Variants in THSD7B observed in about 807,000 individuals in gnomAD.
The protein encoded by THSD7B is thrombospondin type 1 domain containing 7B, also known as thrombospondin type-1 domain-containing protein 7B.
A neutral mutation model predicts 213.6 loss-of-function variants in THSD7B; 138 were observed. The ratio of observed to expected loss-of-function variants is 0.65; its 90% CI spans 0.56 to 0.74. The LOEUF (loss-of-function observed/expected upper bound fraction) is 0.74, where lower values mean the gene tolerates loss of function less well. Ranked by LOEUF, THSD7B falls within the 30% of genes least tolerant of loss-of-function variation. THSD7B has a pLI of 0.00. For synonymous variants in THSD7B, 742 were observed against 687.0 expected, an observed-to-expected ratio of 1.08 and a Z score of -1.25; for missense variants, 1,931 against 1,991.5, an observed-to-expected ratio of 0.97 and a Z score of 0.58.
chr2:136,994,619 G>T (rs1040645367), intron 2 of THSD7B, among the ~76,000 whole-genome samples: 1 of 152,086 alleles, frequency 6.6e-6, no homozygotes, highest in Non-Finnish European at 1.5e-5. Context: ...TCCTGAGATA[G>T]GTAGTTTGCA....
In THSD7B at chr2:137,676,652, TC is replaced by T; in HGVS notation, c.*48del. ...TAGACATCAACTGCCTTAACCGCTTTCTCTTTTGTAGCTCTCAGACTTCTCA... is the reference window on the plus strand; with the variant it reads ...TAGACATCAACTGCCTTAACCGCTTTTCTTTTGTAGCTCTCAGACTTCTCA... On this transcript the variant is annotated 3_prime_UTR_variant, in exon 28 of 28. Coordinates refer to ENST00000409968, the MANE Select transcript of THSD7B (RefSeq NM_001316349.2). 6.7e-7 allele frequency: 1 copy of T among 1,485,328 alleles called. No individual in the cohort carries two copies. The highest frequency in any genetic ancestry group is 9.0e-7 in the Non-Finnish European group (1 of 1,111,842). The allele number at this position is 1,485,328 out of a possible 1,614,324, so 92.0% of individuals were successfully genotyped here. A position where few individuals can be genotyped will look rare whatever the true frequency, so the allele number is the denominator to read the frequency against.
chr2:137,317,143 CT>C (rs972158903), intron 12 of THSD7B, among the ~76,000 whole-genome samples: 30 of 151,364 alleles, frequency 2.0e-4, no homozygotes, highest in African/African-American at 7.3e-4. Context: ...ATTTTTTTTC[CT>C]GTTCTTTTAT....
intron 1 of THSD7B, among the ~76,000 whole-genome samples, chr2:136,865,577 A>G (rs1429982): frequency 1 from 151,853 of 152,356 alleles, 75,679 homozygotes; most frequent in East Asian, 1. Flanking sequence ...TACTATCAAT[A>G]TGCTCTTCTA....
intron 2 of THSD7B, among the ~76,000 whole-genome samples, chr2:136,979,867 G>A (rs996042894): frequency 5.3e-5 from 8 of 152,032 alleles, no homozygotes; most frequent in Admixed American, 2.6e-4. Context: ...AATTTTCAGC[G>A]TGTTTGCATT....
intron 2 of THSD7B, among the ~76,000 whole-genome samples, chr2:137,049,191 C>T (rs1410191737): frequency 6.6e-6 from 1 of 152,226 alleles, no homozygotes; most frequent in African/African-American, 2.4e-5. Context: ...GGGCATTGAG[C>T]TGGACAGAGA....
At chr2:137,341,936 G>GT (rs897606696) in intron 12 of THSD7B, among the ~76,000 whole-genome samples, 7 of 150,862 alleles carry the variant, frequency 4.6e-5, no homozygotes, top group South Asian at 2.1e-4. Flanking sequence ...TTGTTTTTTT[G>GT]TTTTTTTATC....
chr2:137,326,633 A>G lies in THSD7B; in HGVS notation c.2500+50607A>G, dbSNP rs146725035. On this transcript the variant is annotated intron_variant, in intron 12 of 27. Transcript: ENST00000409968. Reference sequence around the variant, plus strand: ...TCGCAGTTCCCCTTTACTGTCTTTCATAGTAACAAAAGCTATCAGTTATTC... The same window carrying G: ...TCGCAGTTCCCCTTTACTGTCTTTCGTAGTAACAAAAGCTATCAGTTATTC... Among the ~76,000 whole-genome samples the G allele has an allele frequency of 8.3e-3, 1,261 of 152,304 alleles. 15 individuals are homozygous for G. The highest frequency in any genetic ancestry group is 0.029 in the African/African-American group (1,196 of 41,556).
intron 7 of THSD7B, among the ~76,000 whole-genome samples, chr2:137,215,092 CTGT>C (rs1254948459): frequency 1.3e-5 from 2 of 152,136 alleles, no homozygotes; most frequent in African/African-American, 4.8e-5. Flanking sequence ...TCTCCAGCAC[CTGT>C]TGTTTCCTGA....
At chr2:137,333,579 C>A (rs1684565582) in intron 12 of THSD7B, among the ~76,000 whole-genome samples, 1 of 152,164 alleles carries the variant, frequency 6.6e-6, no homozygotes, top group South Asian at 2.1e-4. Flanking sequence ...TCCTTCTCTG[C>A]TCAGTAAGGG....
intron 12 of THSD7B, among the ~76,000 whole-genome samples, chr2:137,354,531 GTCTT>G (rs1364642358): frequency 6.6e-6 from 1 of 152,008 alleles, no homozygotes; most frequent in African/African-American, 2.4e-5. Context: ...TGTATTTAGT[GTCTT>G]TCTTTTATAG....
intron 1 of THSD7B, among the ~76,000 whole-genome samples, chr2:136,819,115 C>T (rs1307421661): frequency 2.6e-5 from 4 of 151,914 alleles, no homozygotes; most frequent in Non-Finnish European, 5.9e-5. Context: ...ACAGTGGGAA[C>T]GAAAGGATCC....
rs181702499 is a variant in THSD7B at position 136,881,007 on chromosome 2, G to C, written c.-35-1137G>C. Reference sequence around the variant, plus strand: ...CTTAGTCCATTCCTCCCTCTTGTTTGTGTCCTTCACAGCAACCACCAGCCT... The same window carrying C: ...CTTAGTCCATTCCTCCCTCTTGTTTCTGTCCTTCACAGCAACCACCAGCCT... On this transcript the variant is annotated intron_variant, in intron 1 of 27. Transcript: ENST00000409968. 2.2e-3 allele frequency among the ~76,000 whole-genome samples: 331 copies of C among 152,118 alleles called. 1 individual carries two copies. Among genetic ancestry groups the C allele is most frequent in the Admixed American group, 4.7e-3 (72 of 15,238 alleles).
chr2:136,987,693 G>A (rs146888027), intron 2 of THSD7B, among the ~76,000 whole-genome samples: 14 of 152,224 alleles, frequency 9.2e-5, no homozygotes, highest in Middle Eastern at 3.4e-3. Context: ...TTATCCCCTC[G>A]ATATTTCATG....
chr2:136,809,076 A>G (rs1682333935), intron 1 of THSD7B, among the ~76,000 whole-genome samples: 1 of 152,214 alleles, frequency 6.6e-6, no homozygotes, highest in Non-Finnish European at 1.5e-5. Flanking sequence ...GCAGTTATAG[A>G]GCTTTTATTT....
chr2:137,578,585 A>C (rs1052478639), intron 17 of THSD7B, among the ~76,000 whole-genome samples: 10 of 152,210 alleles, frequency 6.6e-5, no homozygotes, highest in African/African-American at 2.4e-4. Context: ...AAACCACAGA[A>C]AGACCAAGCT....
At chr2:136,794,637 T>C (rs1262257866) in intron 1 of THSD7B, among the ~76,000 whole-genome samples, 1 of 151,978 alleles carries the variant, frequency 6.6e-6, no homozygotes, top group African/African-American at 2.4e-5. Context: ...AAATGTTTTA[T>C]ATGCCCTTGA....
chr2:137,015,962 C>T (rs12386148), intron 2 of THSD7B, among the ~76,000 whole-genome samples: 11,443 of 152,174 alleles, frequency 0.075, 469 homozygotes, highest in East Asian at 0.14. Flanking sequence ...TTGTGCTCTT[C>T]TCTTCTAGGA....
intron 5 of THSD7B, among the ~76,000 whole-genome samples, chr2:137,156,754 G>A (rs1025100854): frequency 5.3e-5 from 8 of 152,150 alleles, no homozygotes; most frequent in African/African-American, 1.2e-4. Flanking sequence ...AGCCCTTCCC[G>A]CACAGACATG....
chr2:137,408,575 ATTG>A (rs1403902519), intron 13 of THSD7B, among the ~76,000 whole-genome samples: 2 of 152,188 alleles, frequency 1.3e-5, no homozygotes, highest in East Asian at 1.9e-4. Context: ...AACAAATCCT[ATTG>A]TTGTAACAAA....
Sources: allele counts gnomAD v4.1 joint callset (sites outside exome capture counted in the v4.1 genomes callset), GRCh38; gene constraint gnomAD v4.1.1; transcripts MANE v1.5; gene names NCBI Gene and HGNC (gene_info 2026-07-23, HGNC 2026-07-21).